The following PPP1R12A variants were observed in gnomAD, a reference collection of about 807,000 sequenced individuals.
PPP1R12A encodes the protein protein phosphatase 1 regulatory subunit 12A.
A neutral mutation model predicts 139.6 loss-of-function variants in PPP1R12A; 19 were observed. The ratio of observed to expected loss-of-function variants is 0.14; its 90% CI spans 0.09 to 0.20. The LOEUF is 0.20. PPP1R12A is among the 10% of genes least tolerant of loss of function. The probability of loss-of-function intolerance (pLI) is 1.00; values close to 1 mark genes in which losing one functional copy is unlikely to be tolerated. For synonymous variants in PPP1R12A, 427 were observed against 420.6 expected (o/e 1.02, Z -0.19); for missense variants, 925 against 1,211.5 (o/e 0.76, Z 3.51).
intron 1 of PPP1R12A, among the ~76,000 whole-genome samples, chr12:79,895,006 C>T (rs1178151919): frequency 1.3e-5 from 2 of 152,130 alleles, no homozygotes; most frequent in East Asian, 1.9e-4. Context: ...AAAAAAATCA[C>T]GTGAGGACTT....
chr12:79,930,360 G>A (rs1888158280), intron 1 of PPP1R12A, among the ~76,000 whole-genome samples: 1 of 151,958 alleles, frequency 6.6e-6, no homozygotes, highest in South Asian at 2.1e-4. Context: ...TTTAGAGAGA[G>A]GAATAACACC....
At chr12:79,880,474 T>C (rs996367262) in intron 1 of PPP1R12A, among the ~76,000 whole-genome samples, 1 of 152,190 alleles carries the variant, frequency 6.6e-6, no homozygotes, top group Non-Finnish European at 1.5e-5. Context: ...CTGAATATAA[T>C]GCAAAGACTG....
chr12:79,847,261 C>T (rs1879523130), intron 2 of PPP1R12A, among the ~76,000 whole-genome samples: 1 of 152,144 alleles, frequency 6.6e-6, no homozygotes, highest in African/African-American at 2.4e-5. Flanking sequence ...TAATGTAACT[C>T]TTCCCTTCTA....
chr12:79,846,032 T>A (rs1004128824), intron 2 of PPP1R12A, among the ~76,000 whole-genome samples: 1 of 152,112 alleles, frequency 6.6e-6, no homozygotes, highest in African/African-American at 2.4e-5. Flanking sequence ...GTTCTTAAGC[T>A]GGGGTTCATG....
intron 2 of PPP1R12A, among the ~76,000 whole-genome samples, chr12:79,849,695 C>A (rs978544587): frequency 6.6e-6 from 1 of 152,150 alleles, no homozygotes; most frequent in African/African-American, 2.4e-5. Context: ...TTCAAATGAA[C>A]AACCGTATTG....
At chr12:79,859,378 C>A in intron 2 of PPP1R12A, among the ~76,000 whole-genome samples, 1 of 145,068 alleles carries the variant, frequency 6.9e-6, no homozygotes, top group South Asian at 2.2e-4. Flanking sequence ...AACAACAGTG[C>A]TCAGGATCAA....
intron 1 of PPP1R12A, among the ~76,000 whole-genome samples, chr12:79,930,786 A>G (rs1026932089): frequency 6.6e-5 from 10 of 152,260 alleles, no homozygotes; most frequent in African/African-American, 2.2e-4. Flanking sequence ...AAAATAAAAT[A>G]AAATAAAATA....
rs1194923522 is a variant in PPP1R12A, at chr12:79,935,005, A to AG, written c.-75dup. 2 of 1,489,930 alleles carry AG rather than the reference A, an allele frequency of 1.3e-6. No homozygotes were observed. The highest frequency in any genetic ancestry group is 1.4e-5 in the African/African-American group (1 of 72,030). The allele number at this position is 1,489,930 out of a possible 1,614,324, so 92.3% of individuals were successfully genotyped here. A position where few individuals can be genotyped will look rare whatever the true frequency, so the allele number is the denominator to read the frequency against. On this transcript the variant is annotated 5_prime_UTR_variant, in exon 1 of 25. Transcript: ENST00000450142. Reference sequence around the variant, plus strand: ...GGCGGAGAGGGAAGAGAGGGGAGGCAGGGGGTGTGTGAATGTTTCTATGAG... The same window carrying AG: ...GGCGGAGAGGGAAGAGAGGGGAGGCAGGGGGGTGTGTGAATGTTTCTATGAG...
chr12:79,832,567 A>G (rs902676768), intron 3 of PPP1R12A, 76 bp from the exon 4 acceptor site: 2 of 1,360,664 alleles, frequency 1.5e-6, no homozygotes, highest in African/African-American at 1.5e-5. Context: ...TATCCAAAAC[A>G]TGTCAAGTTT....
At chr12:79,776,183 C>A (rs1033997668) in intron 24 of PPP1R12A, among the ~76,000 whole-genome samples, 168 bp from the exon 25 acceptor site, 4 of 151,982 alleles carry the variant, frequency 2.6e-5, no homozygotes, top group African/African-American at 9.7e-5. Flanking sequence ...AAAAACCACA[C>A]CTGGATTTGT....
At chr12:79,822,791 G>A (rs1876271742) in intron 5 of PPP1R12A, among the ~76,000 whole-genome samples, 1 of 147,110 alleles carries the variant, frequency 6.8e-6, no homozygotes, top group African/African-American at 2.5e-5. Flanking sequence ...TGCTAATCTA[G>A]TCATCAGGTG....
At position 79,813,895 on chromosome 12, in the gene PPP1R12A, G is replaced by GCA. The variant is rs565641919; in HGVS notation, c.1239+3497_1239+3498dup. Among the ~76,000 whole-genome samples, 156 of 152,296 alleles carry GCA rather than the reference G, an allele frequency of 1.0e-3. 3 individuals carry two copies. Among genetic ancestry groups the GCA allele is most frequent in the African/African-American group, 3.6e-3 (149 of 41,556 alleles). ...GATCTGTCTTGCCATGAACACAAGTGCACACATACATAGTTTATGTACTGG... is the reference window on the plus strand; with the variant it reads ...GATCTGTCTTGCCATGAACACAAGTGCACACACATACATAGTTTATGTACTGG... On this transcript the variant is annotated intron_variant, in intron 9 of 24. Transcript: ENST00000450142.
intron 22 of PPP1R12A, among the ~76,000 whole-genome samples, chr12:79,784,160 G>A (rs1441748539): frequency 9.3e-5 from 14 of 150,792 alleles, no homozygotes; most frequent in Non-Finnish European, 1.6e-4. Flanking sequence ...GTCAATCAAT[G>A]CCAAAAAAAA....
intron 3 of PPP1R12A, among the ~76,000 whole-genome samples, chr12:79,838,937 G>A (rs1335624557): frequency 1.3e-5 from 2 of 152,190 alleles, no homozygotes; most frequent in African/African-American, 4.8e-5. Flanking sequence ...GAGGGCCACC[G>A]TCTTCCAGAC....
chr12:79,821,363 ATGCAG>A (rs1194256155), intron 6 of PPP1R12A, among the ~76,000 whole-genome samples, 197 bp from the exon 7 acceptor site: 1 of 152,212 alleles, frequency 6.6e-6, no homozygotes, highest in Non-Finnish European at 1.5e-5. Context: ...AAAAAGCTCC[ATGCAG>A]GGCTAAGATG....
chr12:79,853,604 T>C (rs1880301705), intron 2 of PPP1R12A, among the ~76,000 whole-genome samples: 2 of 152,238 alleles, frequency 1.3e-5, no homozygotes. Flanking sequence ...GGGAAGTATT[T>C]ACATTTTCTT....
chr12:79,791,761 A>T lies in PPP1R12A; in HGVS notation c.2650-1278T>A, dbSNP rs547734218. On this transcript the variant is annotated intron_variant, in intron 19 of 24. Coordinates refer to ENST00000450142, the MANE Select transcript of PPP1R12A (RefSeq NM_002480.3). ...ATATTGTTGTGCAAAAGATCGCTAG[A>T]ACTTTTTCATCTTGCAAAAATAAAA... Among the ~76,000 whole-genome samples, 558 of 152,318 alleles carry T rather than the reference A, an allele frequency of 3.7e-3. 2 individuals carry two copies. The highest frequency in any genetic ancestry group is 8.7e-3 in the South Asian group (42 of 4,826).
rs537307663 is a variant in PPP1R12A at position 79,872,840 on chromosome 12, T to C, written c.336A>G (p.Ala112=). The C allele has an allele frequency of 2.2e-5, 36 of 1,613,650 alleles. No individual in the cohort carries two copies. In the East Asian group the frequency reaches 7.8e-4, roughly 35 times the overall value. ...TATCAAGATATCCACAGGAAGCTGC[T>C]GCATGTAGTGGTATCCAGCCTTCAT... The part of the protein sequence containing the change: ...PDNEGWIPLH[A]AASCGYLDIA... The change falls in exon 2 of 25, where the codon GCA becomes GCG. Residue 112 remains alanine, a synonymous_variant. Transcript: ENST00000450142.
At chr12:79,922,920 T>C (rs1326443232) in intron 1 of PPP1R12A, among the ~76,000 whole-genome samples, 1 of 151,894 alleles carries the variant, frequency 6.6e-6, no homozygotes, top group Non-Finnish European at 1.5e-5. Context: ...AAACATAAGA[T>C]TGCAGATAAG....
Sources: allele counts gnomAD v4.1 joint callset (sites outside exome capture counted in the v4.1 genomes callset), GRCh38; gene constraint gnomAD v4.1.1; transcripts MANE v1.5; gene names NCBI Gene and HGNC (gene_info 2026-07-23, HGNC 2026-07-21).